The following RBFOX1 variants were observed in gnomAD, a reference collection of about 807,000 sequenced individuals.
The protein encoded by RBFOX1 is RNA binding fox-1 homolog 1, also known as RNA binding protein fox-1 homolog 1.
In RBFOX1, 8 loss-of-function variants were observed where a neutral mutation model predicts 57.7. The observed-to-expected ratio is 0.14, with a 90% CI of 0.08 to 0.25. The LOEUF (loss-of-function observed/expected upper bound fraction) is 0.25. Ranked by LOEUF, RBFOX1 falls within the 10% of genes least tolerant of loss-of-function variation. The probability of loss-of-function intolerance (pLI) is 1.00; values close to 1 mark genes in which losing one functional copy is unlikely to be tolerated. For missense variants in RBFOX1, 611 were observed against 548.5 expected (o/e 1.11, Z -1.14); for synonymous variants, 326 against 222.4 (o/e 1.47, Z -4.15).
intron 10 of RBFOX1, among the ~76,000 whole-genome samples, chr16:7,620,763 C>T (rs1007088158): frequency 5.3e-5 from 8 of 152,048 alleles, no homozygotes; most frequent in African/African-American, 1.4e-4. Flanking sequence ...ACAGGTGTAG[C>T]TTTGAGAGAG....
At chr16:6,675,937 C>A (rs974432055) in intron 3 of RBFOX1, among the ~76,000 whole-genome samples, 1 of 152,058 alleles carries the variant, frequency 6.6e-6, no homozygotes, top group Non-Finnish European at 1.5e-5. Context: ...GGCCTGAGAC[C>A]CTTGTGAATC....
chr16:6,960,519 T>G (rs2082738875), intron 3 of RBFOX1, among the ~76,000 whole-genome samples: 1 of 152,112 alleles, frequency 6.6e-6, no homozygotes, highest in Non-Finnish European at 1.5e-5. Context: ...CAGTTTGGTC[T>G]GGGAACAACT....
chr16:7,221,943 G>T (rs1223188447), intron 4 of RBFOX1, among the ~76,000 whole-genome samples: 1 of 152,208 alleles, frequency 6.6e-6, no homozygotes, highest in African/African-American at 2.4e-5. Context: ...AAATGCAGAA[G>T]AGGCTTCTAA....
At position 6,483,369 on chromosome 16, in the gene RBFOX1, C is replaced by T. The variant is rs533018306; in HGVS notation, c.-64+166312C>T. 28 of 1,507,806 alleles carry T rather than the reference C, an allele frequency of 1.9e-5. No homozygotes were observed. The South Asian group carries it at 3.1e-4, about 17-fold the overall frequency. 93.4% of individuals were successfully genotyped at this position (1,507,806 alleles called of 1,614,324 possible). A position where few individuals can be genotyped will look rare whatever the true frequency, so the allele number is the denominator to read the frequency against. On this transcript the variant is annotated intron_variant, in intron 2 of 15. Transcript: ENST00000550418. ...GCCAGGCAGCCCGGGCGAGCGAAGGCGCGCGGCGCGCACGACAGATGACTG... is the reference window on the plus strand; with the variant it reads ...GCCAGGCAGCCCGGGCGAGCGAAGGTGCGCGGCGCGCACGACAGATGACTG...
chr16:7,000,005 G>C (rs769808789), intron 3 of RBFOX1, among the ~76,000 whole-genome samples: 7 of 150,806 alleles, frequency 4.6e-5, no homozygotes, highest in Non-Finnish European at 5.9e-5. Flanking sequence ...CTAGCAGGCA[G>C]AGGTTGCAGT....
intron 4 of RBFOX1, among the ~76,000 whole-genome samples, chr16:7,336,744 A>G (rs1044840422): frequency 3.9e-5 from 6 of 152,326 alleles, no homozygotes; most frequent in Non-Finnish European, 5.9e-5. Context: ...ACGTAATGCA[A>G]TTGGGCAGTA....
chr16:6,338,245 C>T (rs574149338), intron 2 of RBFOX1, among the ~76,000 whole-genome samples: 2 of 152,276 alleles, frequency 1.3e-5, no homozygotes, highest in East Asian at 3.9e-4. Flanking sequence ...CACACCTACA[C>T]CTGTATTCCT....
At chr16:5,755,067 T>G (rs1264492309) in intron 3 of RBFOX1, among the ~76,000 whole-genome samples, 888 of 49,400 alleles carry the variant, frequency 0.018, 29 homozygotes, top group African/African-American at 0.066. Context: ...CTTCCGCAGT[T>G]TTTGTGTCCC....
intron 2 of RBFOX1, among the ~76,000 whole-genome samples, chr16:6,326,602 G>A (rs917005907): frequency 2.6e-5 from 4 of 152,074 alleles, no homozygotes; most frequent in East Asian, 1.9e-4. Flanking sequence ...GACCATTTAC[G>A]CTTCACAGGG....
intron 1 of RBFOX1, among the ~76,000 whole-genome samples, chr16:6,308,571 T>C (rs1428707634): frequency 2.0e-5 from 3 of 152,222 alleles, no homozygotes; most frequent in African/African-American, 7.2e-5. Flanking sequence ...GAGTAGTTCT[T>C]ACCTGGATGA....
intron 1 of RBFOX1, among the ~76,000 whole-genome samples, chr16:5,334,284 A>G (rs752751926): frequency 1.3e-5 from 2 of 152,104 alleles, no homozygotes; most frequent in African/African-American, 2.4e-5. Context: ...TTCTGGTCAG[A>G]GATGTCATTT....
At chr16:7,002,968 A>G (rs1167519042) in intron 3 of RBFOX1, among the ~76,000 whole-genome samples, 2 of 151,976 alleles carry the variant, frequency 1.3e-5, no homozygotes, top group Non-Finnish European at 2.9e-5. Context: ...TGAGGTCAAC[A>G]TTTTATTACA....
chr16:7,058,128 G>A (rs921098422), intron 4 of RBFOX1, among the ~76,000 whole-genome samples: 2 of 151,918 alleles, frequency 1.3e-5, no homozygotes, highest in South Asian at 2.1e-4. Flanking sequence ...TGCTAGCTCT[G>A]TATTTCTCAA....
At chr16:7,646,204 T>A (rs1272219507) in intron 11 of RBFOX1, among the ~76,000 whole-genome samples, 1 of 152,236 alleles carries the variant, frequency 6.6e-6, no homozygotes, top group African/African-American at 2.4e-5. Flanking sequence ...GTTTTTTGAT[T>A]CTTCATTGTG....
Position 7,373,295 on chromosome 16 carries a change from G to A in RBFOX1, c.28-144852G>A, listed in dbSNP as rs115608428. Among the ~76,000 whole-genome samples, 181 of 152,100 alleles carry A rather than the reference G, an allele frequency of 1.2e-3. 2 individuals carry two copies. The highest frequency in any genetic ancestry group is 4.2e-3 in the African/African-American group (174 of 41,488). On this transcript the variant is annotated intron_variant, in intron 4 of 15. Transcript: ENST00000550418. The stretch of plus-strand genomic sequence containing the variant: ...TTTTGCACCAACCTAAGGAACATAC[G>A]TTACATTTGAATTTAGAACATAAAG...
rs1603305007 is a variant in RBFOX1, at chr16:6,671,664, C to G, written c.-16+17014C>G. On this transcript the variant is annotated intron_variant, in intron 3 of 15. Coordinates refer to ENST00000550418, the MANE Select transcript of RBFOX1 (RefSeq NM_018723.4). ...CAAAGTCCGTTCTATCATTCTTACG[C>G]CTTTGCATCCTCATAGCTTAGCTCC... Among the ~76,000 whole-genome samples, 4 of 152,270 alleles carry G rather than the reference C, an allele frequency of 2.6e-5. No homozygotes were observed. In the South Asian group the frequency reaches 8.3e-4, roughly 32 times the overall value.
intron 1 of RBFOX1, among the ~76,000 whole-genome samples, chr16:6,285,813 G>T (rs2076847692): frequency 6.6e-6 from 1 of 152,122 alleles, no homozygotes; most frequent in Non-Finnish European, 1.5e-5. Flanking sequence ...TTGCAGTGGA[G>T]ACATCGGATC....
intron 4 of RBFOX1, among the ~76,000 whole-genome samples, chr16:7,504,103 G>C (rs1222840822): frequency 6.6e-6 from 1 of 152,104 alleles, no homozygotes; most frequent in Non-Finnish European, 1.5e-5. Flanking sequence ...TCATAGGCTA[G>C]GCTCTGGGTT....
At chr16:6,732,341 G>A (rs1350875039) in intron 3 of RBFOX1, among the ~76,000 whole-genome samples, 1 of 152,198 alleles carries the variant, frequency 6.6e-6, no homozygotes, top group Admixed American at 6.5e-5. Flanking sequence ...TCTCACGAGA[G>A]AGTGAGTCTC....
Sources: allele counts gnomAD v4.1 joint callset (sites outside exome capture counted in the v4.1 genomes callset), GRCh38; gene constraint gnomAD v4.1.1; transcripts MANE v1.5; gene names NCBI Gene and HGNC (gene_info 2026-07-23, HGNC 2026-07-21).